Variants in ULK4 observed in about 807,000 individuals in gnomAD.
ULK4 encodes inactive serine/threonine-protein kinase ULK4.
In ULK4, 133 loss-of-function variants were observed where a neutral mutation model predicts 160.6. The observed-to-expected ratio is 0.83, with a 90% CI of 0.72 to 0.96. The LOEUF (loss-of-function observed/expected upper bound fraction) is 0.96, where lower values mean the gene tolerates loss of function less well. Ranked by LOEUF, ULK4 falls within the 40% of genes least tolerant of loss-of-function variation. The pLI is 0.00. For synonymous variants in ULK4, 534 were observed against 539.8 expected, an observed-to-expected ratio of 0.99 and a Z score of 0.15; for missense variants, 1,580 against 1,499.5, an observed-to-expected ratio of 1.05 and a Z score of -0.89.
chr3:41,647,259 G>A (rs1173030158), intron 30 of ULK4, among the ~76,000 whole-genome samples: 1 of 152,220 alleles, frequency 6.6e-6, no homozygotes, highest in African/African-American at 2.4e-5. Flanking sequence ...TTTGGAGGAG[G>A]AGAGGCACTC....
At chr3:41,937,359 AAAATC>A (rs1490679006) in intron 3 of ULK4, 7 of 689,060 alleles carry the variant, frequency 1.0e-5, no homozygotes, top group Non-Finnish European at 1.8e-5. Flanking sequence ...TCAGAAAAAT[AAAATC>A]AAATAAGTTA....
At chr3:41,793,521 G>C (rs2040210543) in intron 20 of ULK4, among the ~76,000 whole-genome samples, 1 of 152,156 alleles carries the variant, frequency 6.6e-6, no homozygotes, top group Non-Finnish European at 1.5e-5. Context: ...ACCCCTGAGA[G>C]ATCTTAAGAT....
chr3:41,783,823 A>G (rs1307737022), intron 21 of ULK4, among the ~76,000 whole-genome samples: 2 of 152,216 alleles, frequency 1.3e-5, no homozygotes, highest in Non-Finnish European at 2.9e-5. Flanking sequence ...TTTCTCCCCA[A>G]TAAACAGCAG....
chr3:41,483,829 G>T lies in ULK4; in HGVS notation c.3227-20576C>A, dbSNP rs1011909992. ...CAAGGATCCTCATCAGAGGGAGGCAGGAGACCAGGCTGAATACTACAAGAC... is the reference window on the plus strand; with the variant it reads ...CAAGGATCCTCATCAGAGGGAGGCATGAGACCAGGCTGAATACTACAAGAC... On this transcript the variant is annotated intron_variant, in intron 32 of 36. Transcript: ENST00000301831. Among the ~76,000 whole-genome samples the T allele has an allele frequency of 2.0e-5, 3 of 152,320 alleles. No homozygotes were observed. In the South Asian group the frequency reaches 6.2e-4, roughly 32 times the overall value.
At chr3:41,385,612 G>A (rs1033243143) in intron 35 of ULK4, among the ~76,000 whole-genome samples, 1 of 152,116 alleles carries the variant, frequency 6.6e-6, no homozygotes, top group Admixed American at 6.6e-5. Flanking sequence ...GGGAAAAAAA[G>A]TTTCACAAAG....
At chr3:41,459,212 C>T (rs764818804) in intron 33 of ULK4, among the ~76,000 whole-genome samples, 2 of 151,888 alleles carry the variant, frequency 1.3e-5, no homozygotes, top group South Asian at 2.1e-4. Context: ...CCACCACACC[C>T]GGCTAATTTA....
intron 34 of ULK4, among the ~76,000 whole-genome samples, chr3:41,440,424 G>C (rs1281195851): frequency 1.3e-5 from 2 of 152,072 alleles, no homozygotes; most frequent in African/African-American, 4.8e-5. Context: ...CAATGAAATA[G>C]TTTTCCTTTC....
chr3:41,901,324 C>A (rs557662937), intron 12 of ULK4, among the ~76,000 whole-genome samples: 2 of 150,368 alleles, frequency 1.3e-5, no homozygotes, highest in South Asian at 2.1e-4. Context: ...GGACTACAGG[C>A]GCCTGCCACT....
chr3:41,500,055 T>A (rs1268801414), intron 32 of ULK4, among the ~76,000 whole-genome samples: 1 of 152,146 alleles, frequency 6.6e-6, no homozygotes, highest in Admixed American at 6.5e-5. Context: ...ACTGTTTATT[T>A]GTACCTTCTC....
intron 35 of ULK4, among the ~76,000 whole-genome samples, chr3:41,327,256 C>T (rs1438847297): frequency 6.6e-6 from 1 of 152,196 alleles, no homozygotes; most frequent in Non-Finnish European, 1.5e-5. Context: ...TGTCTTGTTA[C>T]AGAAAGTCCA....
chr3:41,739,248 G>A (rs2038156415), intron 22 of ULK4, among the ~76,000 whole-genome samples: 1 of 151,828 alleles, frequency 6.6e-6, no homozygotes, highest in African/African-American at 2.4e-5. Flanking sequence ...ATGAACAGTG[G>A]CTTAGATTCC....
chr3:41,668,431 A>G, intron 29 of ULK4, among the ~76,000 whole-genome samples: 1 of 152,234 alleles, frequency 6.6e-6, no homozygotes, highest in East Asian at 1.9e-4. Flanking sequence ...GTGTTTGGAT[A>G]CATAAAATCT....
Position 41,463,283 on chromosome 3 carries a change from C to T in ULK4, c.3227-30G>A, listed in dbSNP as rs775983829. 28 of 1,600,278 alleles carry T rather than the reference C, an allele frequency of 1.7e-5. No homozygotes were observed. In the Middle Eastern group the frequency reaches 6.7e-4, roughly 38 times the overall value. ...GGGTAAAAAAGGAAAAGAAAAAAACCTCATCATTAAGTACACAAATGTGTC... is the reference window on the plus strand; with the variant it reads ...GGGTAAAAAAGGAAAAGAAAAAAACTTCATCATTAAGTACACAAATGTGTC... On this transcript the variant is annotated intron_variant, in intron 32 of 36. Coordinates refer to ENST00000301831, the MANE Select transcript of ULK4 (RefSeq NM_017886.4).
At chr3:41,489,232 T>A (rs1458813615) in intron 32 of ULK4, among the ~76,000 whole-genome samples, 1 of 152,190 alleles carries the variant, frequency 6.6e-6, no homozygotes, top group Non-Finnish European at 1.5e-5. Flanking sequence ...ACTAAAGTCA[T>A]GATTAGAATT....
chr3:41,270,702 T>C (rs2079124628), intron 35 of ULK4, among the ~76,000 whole-genome samples: 1 of 152,230 alleles, frequency 6.6e-6, no homozygotes, highest in African/African-American at 2.4e-5. Context: ...TTCTGTTAAA[T>C]ACTACTAATG....
intron 35 of ULK4, among the ~76,000 whole-genome samples, chr3:41,294,511 T>G (rs2079631555): frequency 6.6e-6 from 1 of 152,222 alleles, no homozygotes; most frequent in Admixed American, 6.5e-5. Context: ...TTTGCACTTT[T>G]GTTGGTAGGA....
chr3:41,535,061 C>G (rs2086452028), intron 32 of ULK4, among the ~76,000 whole-genome samples: 1 of 151,992 alleles, frequency 6.6e-6, no homozygotes, highest in South Asian at 2.1e-4. Context: ...CCATTTGGAG[C>G]CTGAATCTTA....
chr3:41,346,020 C>A lies in ULK4; in HGVS notation c.3678+52059G>T, dbSNP rs114270024. On this transcript the variant is annotated intron_variant, in intron 35 of 36. Coordinates refer to ENST00000301831, the MANE Select transcript of ULK4 (RefSeq NM_017886.4). ...AGCCAAGCAGGAAGACTGATAGGGC[C>A]AGAACAGGTGGGTGCAGAGTATAAG... 5.6e-3 allele frequency among the ~76,000 whole-genome samples: 852 copies of A among 151,858 alleles called. 6 individuals are homozygous for A. Among genetic ancestry groups the A allele is most frequent in the African/African-American group, 0.02 (823 of 41,438 alleles).
intron 34 of ULK4, among the ~76,000 whole-genome samples, chr3:41,417,693 G>A (rs1293023295): frequency 6.6e-6 from 1 of 152,132 alleles, no homozygotes; most frequent in Non-Finnish European, 1.5e-5. Flanking sequence ...AAGCACACAT[G>A]CAGTCCTTTT....
Sources: allele counts gnomAD v4.1 joint callset (sites outside exome capture counted in the v4.1 genomes callset), GRCh38; gene constraint gnomAD v4.1.1; transcripts MANE v1.5; gene names NCBI Gene and HGNC (gene_info 2026-07-23, HGNC 2026-07-21).